The following ATG7 variants were observed in gnomAD, a reference collection of about 807,000 sequenced individuals.
ATG7 encodes the protein ubiquitin-like modifier-activating enzyme ATG7.
ATG7 carries 70 observed loss-of-function variants against 82.4 expected under a neutral mutation model. That is an observed-to-expected ratio of 0.85 (90% CI 0.70 to 1.04). ATG7 has a LOEUF of 1.04. Among genes scored for constraint, ATG7 ranks in the 50% least tolerant of loss-of-function variants. The pLI is 0.00. For missense variants in ATG7, 792 were observed against 864.3 expected, an observed-to-expected ratio of 0.92 and a Z score of 1.05; for synonymous variants, 287 against 313.0, an observed-to-expected ratio of 0.92 and a Z score of 0.88.
At position 11,536,722 on chromosome 3, in the gene ATG7, C is replaced by G. The variant is rs553684350; in HGVS notation, c.2080-18089C>G. Reference sequence around the variant, plus strand: ...CCGACCCTGCGGCTCCGACCGGGGCCGAGCAGCGAAGGACCACCCTGGTCT... The same window carrying G: ...CCGACCCTGCGGCTCCGACCGGGGCGGAGCAGCGAAGGACCACCCTGGTCT... On this transcript the variant is annotated intron_variant, in intron 20 of 20. Transcript: ENST00000693202. 3.2e-4 allele frequency among the ~76,000 whole-genome samples: 49 copies of G among 152,196 alleles called. 1 individual carries two copies. Among genetic ancestry groups the G allele is most frequent in the African/African-American group, 1.1e-3 (44 of 41,530 alleles).
chr3:11,570,989 C>T, the ATG7 span, among the ~76,000 whole-genome samples: 42 of 152,272 alleles, frequency 2.8e-4, no homozygotes, highest in African/African-American at 9.1e-4. Flanking sequence ...CAATTTTAGA[C>T]GGGAAGTGAG....
chr3:11,427,890 TAG>T (rs2082514851), intron 20 of ATG7, among the ~76,000 whole-genome samples: 1 of 152,120 alleles, frequency 6.6e-6, no homozygotes, highest in Non-Finnish European at 1.5e-5. Context: ...TGTATGGTGG[TAG>T]AGCTATTTGG....
chr3:11,418,631 C>T (rs968218618), intron 19 of ATG7, among the ~76,000 whole-genome samples: 6 of 152,128 alleles, frequency 3.9e-5, no homozygotes, highest in Non-Finnish European at 7.3e-5. Context: ...TGCCCCTCTC[C>T]CAGTTTCTGT....
Position 11,372,658 on chromosome 3 carries a change from G to A in ATG7, c.1876-7314G>A, listed in dbSNP as rs552551350. 2.7e-5 allele frequency among the ~76,000 whole-genome samples: 4 copies of A among 150,922 alleles called. No individual in the cohort carries two copies. In the South Asian group the frequency reaches 8.4e-4, roughly 32 times the overall value. ...CAACCACCAACCCAATTTCTATATGGACCATTTTTATTTTTTCTGTATATT... is the reference window on the plus strand; with the variant it reads ...CAACCACCAACCCAATTTCTATATGAACCATTTTTATTTTTTCTGTATATT... On this transcript the variant is annotated intron_variant, in intron 18 of 20. Transcript: ENST00000693202.
chr3:11,445,399 G>T (rs77872841), intron 20 of ATG7, among the ~76,000 whole-genome samples: 4,707 of 152,252 alleles, frequency 0.031, 93 homozygotes, highest in Non-Finnish European at 0.048. Flanking sequence ...GGATGGAGCT[G>T]GAGGCCTTTA....
At chr3:11,564,683 T>TCACCACCTCCCTCCCA in the ATG7 span, 4 of 1,273,634 alleles carry the variant, frequency 3.1e-6, no homozygotes, top group Non-Finnish European at 4.3e-6. Context: ...CCTCCCTCCC[T>TCACCACCTCCCTCCCA]CACCACCTCC....
chr3:11,367,312 G>T (rs1347595370), intron 18 of ATG7, among the ~76,000 whole-genome samples: 3 of 152,146 alleles, frequency 2.0e-5, no homozygotes, highest in Non-Finnish European at 2.9e-5. Flanking sequence ...TCCTGTTGGA[G>T]AGGAACTTGG....
intron 19 of ATG7, among the ~76,000 whole-genome samples, chr3:11,423,155 T>C (rs1266049727): frequency 1.3e-5 from 2 of 152,158 alleles, no homozygotes; most frequent in Non-Finnish European, 2.9e-5. Context: ...CAGTATTGTT[T>C]TGTTGCAGGA....
intron 20 of ATG7, chr3:11,477,316 G>T: frequency 8.4e-7 from 1 of 1,188,040 alleles, no homozygotes; most frequent in Non-Finnish European, 1.1e-6. Context: ...GAATTTTTGT[G>T]CTACAAACTC....
chr3:11,526,023 TATAA>T (rs1253913222), intron 20 of ATG7, among the ~76,000 whole-genome samples: 1 of 152,210 alleles, frequency 6.6e-6, no homozygotes, highest in African/African-American at 2.4e-5. Context: ...GCTGTGCTGA[TATAA>T]ATGTGATAAC....
intron 11 of ATG7, among the ~76,000 whole-genome samples, chr3:11,333,526 T>C (rs977057712): frequency 6.6e-6 from 1 of 152,168 alleles, no homozygotes; most frequent in African/African-American, 2.4e-5. Context: ...TCCTTCCACA[T>C]TTAATATCTT....
rs201884008 is a variant in ATG7 at position 11,347,952 on chromosome 3, T to C, written c.1201T>C (p.Tyr401His). Reference protein sequence around the residue: ...SYSNPVRQPLYEFEDCLGGGK... With the variant: ...SYSNPVRQPLHEFEDCLGGGK... ...CTCCAATCCTGTGAGGCAGCCTCTC[T>C]ATGAGTTTGAAGATTGCCTAGGGGG... The change falls in exon 14 of 21, where the codon TAT (tyrosine) becomes CAT (histidine). Residue 401 changes from tyrosine to histidine, a missense_variant. Tyr to His is a moderately conservative substitution (Grantham distance 83). Transcript: ENST00000693202. 127 of 1,614,154 alleles carry C rather than the reference T, an allele frequency of 7.9e-5. No homozygotes were observed. Among genetic ancestry groups the C allele is most frequent in the Non-Finnish European group, 8.5e-6 (10 of 1,179,978 alleles).
intron 19 of ATG7, among the ~76,000 whole-genome samples, chr3:11,416,677 C>T (rs1397401598): frequency 1.3e-5 from 2 of 152,040 alleles, no homozygotes; most frequent in Non-Finnish European, 2.9e-5. Context: ...GTTTGTTTCT[C>T]CATTGATTTT....
At chr3:11,290,752 T>G (rs1944851144) in intron 3 of ATG7, 3 of 174,510 alleles carry the variant, frequency 1.7e-5, no homozygotes, top group South Asian at 9.2e-5. Context: ...TGGTGCGATC[T>G]CAGCTCACTG....
chr3:11,574,783 A>ATGTGTG, the ATG7 span, among the ~76,000 whole-genome samples: 994 of 111,566 alleles, frequency 8.9e-3, 4 homozygotes, highest in South Asian at 0.02. Flanking sequence ...ATTCAACTAT[A>ATGTGTG]TATGTGTGTG....
intron 6 of ATG7, among the ~76,000 whole-genome samples, 174 bp downstream of exon 6, chr3:11,307,234 G>A (rs1285096604): frequency 6.6e-6 from 1 of 152,214 alleles, no homozygotes; most frequent in Non-Finnish European, 1.5e-5. Flanking sequence ...GTCTCCTTCT[G>A]TATTGGCAGG....
At chr3:11,396,562 A>T (rs2079296958) in intron 19 of ATG7, among the ~76,000 whole-genome samples, 1 of 152,156 alleles carries the variant, frequency 6.6e-6, no homozygotes, top group African/African-American at 2.4e-5. Flanking sequence ...GGATCACTCG[A>T]AGTCAGGAGT....
At chr3:11,276,123 C>G (rs556026843) in intron 1 of ATG7, among the ~76,000 whole-genome samples, 5 of 152,318 alleles carry the variant, frequency 3.3e-5, no homozygotes, top group African/African-American at 1.2e-4. Flanking sequence ...TGTCCATTTC[C>G]CTTTATGTCT....
chr3:11,273,143 G>T (rs969441516), intron 1 of ATG7, among the ~76,000 whole-genome samples: 1 of 152,222 alleles, frequency 6.6e-6, no homozygotes, highest in Non-Finnish European at 1.5e-5. Context: ...TTAAAAATTG[G>T]CAAGTAATTC....
Sources: gnomAD v4.1 joint callset for allele counts (sites outside exome capture counted in the v4.1 genomes callset) on GRCh38, gnomAD v4.1.1 for gene constraint, MANE v1.5 for transcripts, NCBI Gene and HGNC (gene_info 2026-07-23, HGNC 2026-07-21) for gene names.